ERCC6L2: variants seen among roughly 807,000 people sequenced by gnomAD.
ERCC6L2 encodes the protein DNA excision repair protein ERCC-6-like 2.
A neutral mutation model predicts 132.0 loss-of-function variants in ERCC6L2; 77 were observed. The ratio of observed to expected loss-of-function variants is 0.58; its 90% CI spans 0.49 to 0.71. The LOEUF is 0.71. ERCC6L2 is among the 30% of genes least tolerant of loss of function. ERCC6L2 has a pLI of 0.00. For synonymous variants in ERCC6L2, 583 were observed against 632.4 expected, an observed-to-expected ratio of 0.92 and a Z score of 1.17; for missense variants, 1,542 against 1,837.6, an observed-to-expected ratio of 0.84 and a Z score of 2.94.
chr9:95,929,027 G>T, intron 11 of ERCC6L2, 163 bp downstream of exon 11: 1 of 479,224 alleles, frequency 2.1e-6, no homozygotes, highest in South Asian at 3.6e-5. Context: ...TTTTAGCTAA[G>T]CTTTTCTCTC....
intron 16 of ERCC6L2, among the ~76,000 whole-genome samples, chr9:95,974,720 A>ATTTT (rs1238898429): frequency 3.7e-4 from 39 of 106,110 alleles, no homozygotes; most frequent in Admixed American, 2.6e-3. Flanking sequence ...CAGTGGCCAG[A>ATTTT]TTTGTGTGTG....
intron 4 of ERCC6L2, 110 bp from the exon 5 acceptor site, chr9:95,915,555 TAAA>T: frequency 8.7e-7 from 1 of 1,153,550 alleles, no homozygotes; most frequent in Non-Finnish European, 1.2e-6. Flanking sequence ...CATCAAAGAG[TAAA>T]AAGGAAAAAA....
rs1437738031 is a variant in ERCC6L2, at chr9:95,875,721, C to G, written c.-318C>G. On this transcript the variant is annotated 5_prime_UTR_variant, in exon 1 of 19. Coordinates refer to ENST00000653738, the MANE Select transcript of ERCC6L2 (RefSeq NM_020207.7). ...CTAGGAAGATTTGGGGGTCGCCTTG[C>G]CGGCCTCCTGTCCTCCTCCGGCGGC... The G allele has an allele frequency of 2.4e-6, 1 of 425,366 alleles. No individual in the cohort carries two copies. Among genetic ancestry groups the G allele is most frequent in the Non-Finnish European group, 4.3e-6 (1 of 234,328 alleles). The allele number at this position is 425,366 out of a possible 1,614,324, so 26.3% of individuals were successfully genotyped here. A position where few individuals can be genotyped will look rare whatever the true frequency, so the allele number is the denominator to read the frequency against.
intron 13 of ERCC6L2, among the ~76,000 whole-genome samples, chr9:95,964,376 T>G (rs1832055662): frequency 6.6e-6 from 1 of 152,194 alleles, no homozygotes; most frequent in African/African-American, 2.4e-5. Flanking sequence ...ACTTCTTTAC[T>G]GTGGTAGGCT....
chr9:95,922,312 C>G lies in ERCC6L2; in HGVS notation c.1307C>G (p.Ser436Cys), dbSNP rs1382468070. The change falls in exon 8 of 19, where the codon TCT (serine) becomes TGT (cysteine). Residue 436 changes from serine (S) to cysteine (C), a missense_variant. Ser to Cys is a moderately radical substitution (Grantham distance 112). Around this residue, in one of 4 missense-constraint regions of ERCC6L2, gnomAD observed 945 missense variants for 1,105.2 expected, o/e 0.86. Coordinates refer to ENST00000653738, the MANE Select transcript of ERCC6L2 (RefSeq NM_020207.7). ...ATATTTTTCTGGTTACAGACCAATT[C>G]TCATGGTGAAACAGTGAAAACCTTG... ...KRRNCCYKTN[S>C]HGETVKTLYL... 6.2e-7 allele frequency: 1 copy of G among 1,601,756 alleles called. No individual in the cohort carries two copies. The highest frequency in any genetic ancestry group is 8.5e-7 in the Non-Finnish European group (1 of 1,169,756).
At chr9:95,953,097 T>G (rs1831418224) in intron 12 of ERCC6L2, among the ~76,000 whole-genome samples, 1 of 152,166 alleles carries the variant, frequency 6.6e-6, no homozygotes, top group South Asian at 2.1e-4. Flanking sequence ...AGTTATTGTT[T>G]AATGAGTACA....
chr9:96,038,606 A>T (rs1834545526), intron 19 of ERCC6L2, among the ~76,000 whole-genome samples: 1 of 152,208 alleles, frequency 6.6e-6, no homozygotes, highest in East Asian at 1.9e-4. Context: ...GCAGAAGCAG[A>T]GGTGTGGATG....
At chr9:95,900,617 A>G (rs1828724641) in intron 3 of ERCC6L2, among the ~76,000 whole-genome samples, 1 of 152,176 alleles carries the variant, frequency 6.6e-6, no homozygotes, top group Admixed American at 6.5e-5. Context: ...TTGTTGCATC[A>G]GATAACAGCC....
At chr9:95,938,285 T>C (rs932524324) in intron 11 of ERCC6L2, among the ~76,000 whole-genome samples, 1 of 152,066 alleles carries the variant, frequency 6.6e-6, no homozygotes, top group Non-Finnish European at 1.5e-5. Flanking sequence ...TTGGTCTATC[T>C]TGGTGAATAT....
chr9:95,962,857 C>A (rs897963896), intron 13 of ERCC6L2, among the ~76,000 whole-genome samples: 1 of 152,014 alleles, frequency 6.6e-6, no homozygotes, highest in Admixed American at 6.6e-5. Context: ...CTAGATATAG[C>A]CCCATCATAA....
rs1320122831 is a variant in ERCC6L2 at position 96,004,510 on chromosome 9, T to G, written c.3493-10T>G. On this transcript the variant is annotated splice_polypyrimidine_tract_variant and intron_variant, in intron 17 of 18. Coordinates refer to ENST00000653738, the MANE Select transcript of ERCC6L2 (RefSeq NM_020207.7). ...TCAGACATAGCTTTTGTTTCCTTTC[T>G]TTTTTTCAGACATATAAAGAAAAAG... 1.5e-5 allele frequency: 19 copies of G among 1,290,068 alleles called. No individual in the cohort carries two copies. Among genetic ancestry groups the G allele is most frequent in the Non-Finnish European group, 1.9e-5 (19 of 981,950 alleles). The allele number at this position is 1,290,068 out of a possible 1,614,324, so 79.9% of individuals were successfully genotyped here. A position where few individuals can be genotyped will look rare whatever the true frequency, so the allele number is the denominator to read the frequency against.
chr9:96,026,728 ACAC>A (rs1444691013), intron 19 of ERCC6L2, among the ~76,000 whole-genome samples: 8 of 145,330 alleles, frequency 5.5e-5, no homozygotes, highest in African/African-American at 1.6e-4. Context: ...CACACCAAAC[ACAC>A]CACACCACAC....
At chr9:95,896,400 GTTT>G (rs1564201780) in intron 2 of ERCC6L2, among the ~76,000 whole-genome samples, 1,762 of 139,052 alleles carry the variant, frequency 0.013, 51 homozygotes, top group African/African-American at 0.042. Flanking sequence ...TTGTTTGTTT[GTTT>G]TTTGATTTTT....
chr9:96,030,347 G>A (rs1422339604), intron 19 of ERCC6L2, among the ~76,000 whole-genome samples: 1 of 152,090 alleles, frequency 6.6e-6, no homozygotes, highest in Non-Finnish European at 1.5e-5. Context: ...CCATGCTGTG[G>A]AAGCTTTGTT....
chr9:95,881,731 G>T (rs1246371701), intron 2 of ERCC6L2, among the ~76,000 whole-genome samples: 1 of 151,986 alleles, frequency 6.6e-6, no homozygotes, highest in Non-Finnish European at 1.5e-5. Context: ...GGAATCCCTG[G>T]GTCACTAGCA....
chr9:95,920,973 C>T (rs908724958), intron 6 of ERCC6L2, among the ~76,000 whole-genome samples: 1 of 152,218 alleles, frequency 6.6e-6, no homozygotes, highest in Non-Finnish European at 1.5e-5. Context: ...GATGAGGTTT[C>T]ACCATGTTGG....
chr9:95,907,213 T>C lies in ERCC6L2; in HGVS notation c.730T>C (p.Cys244Arg). The C allele has an allele frequency of 6.2e-7, 1 of 1,613,230 alleles. No homozygotes were observed. Among genetic ancestry groups the C allele is most frequent in the Non-Finnish European group, 8.5e-7 (1 of 1,179,740 alleles). The stretch of plus-strand genomic sequence containing the variant: ...ATTAATTCGTGTAAAGCAGAGGAAA[T>C]GTGAAATTGCTCTAACAACTTATGA... ...NELIRVKQRKCEIALTTYETL... is the reference protein window; with the variant it reads ...NELIRVKQRKREIALTTYETL... Residue 244 changes from cysteine (C) to arginine (R), a missense_variant, in exon 4 of 19, where the codon TGT becomes CGT. By Grantham distance (180) the Cys-to-Arg change is radical. This residue lies in a region of ERCC6L2 where 945 missense variants were observed against 1,105.2 expected (regional missense o/e 0.86). Transcript: ENST00000653738.
intron 2 of ERCC6L2, 141 bp from the exon 3 acceptor site, chr9:95,897,708 G>T (rs1828540963): frequency 1.2e-6 from 1 of 825,648 alleles, no homozygotes; most frequent in Non-Finnish European, 1.9e-6. Context: ...AAGAAAATCA[G>T]TACTAATATT....
intron 18 of ERCC6L2, among the ~76,000 whole-genome samples, chr9:96,005,019 G>GT (rs1175256078): frequency 1.3e-5 from 2 of 152,192 alleles, no homozygotes; most frequent in Non-Finnish European, 1.5e-5. Context: ...AATATGCAGT[G>GT]TAAAAAAAGG....
Sources: gnomAD v4.1 joint callset for allele counts (sites outside exome capture counted in the v4.1 genomes callset) on GRCh38, gnomAD v4.1.1 for gene constraint, gnomAD v4.1.1 regional missense constraint, MANE v1.5 for transcripts, NCBI Gene and HGNC (gene_info 2026-07-23, HGNC 2026-07-21) for gene names.